TNFRSF19: variants seen among roughly 807,000 people sequenced by gnomAD.
The protein encoded by TNFRSF19 is TNF receptor superfamily member 19, also known as tumor necrosis factor receptor superfamily member 19.
TNFRSF19 carries 27 observed loss-of-function variants against 46.4 expected under a neutral mutation model. The ratio of observed to expected loss-of-function variants is 0.58; its 90% confidence interval spans 0.43 to 0.80. The LOEUF is 0.80. TNFRSF19 is among the 30% of genes least tolerant of loss of function. The pLI is 0.00. For synonymous variants in TNFRSF19, 204 were observed against 205.0 expected (o/e 1.00, Z 0.04); for missense variants, 511 against 530.8 (o/e 0.96, Z 0.37).
At chr13:23,591,218 C>T (rs550913514) in intron 2 of TNFRSF19, among the ~76,000 whole-genome samples, 14 of 152,146 alleles carry the variant, frequency 9.2e-5, no homozygotes, top group African/African-American at 2.2e-4. Context: ...TTTGGGAGGC[C>T]GAGGCAGGTG....
At chr13:23,601,098 T>A (rs1299750887) in intron 3 of TNFRSF19, among the ~76,000 whole-genome samples, 2 of 152,098 alleles carry the variant, frequency 1.3e-5, no homozygotes, top group African/African-American at 4.8e-5. Flanking sequence ...AATAATGACT[T>A]AGAATTTTCC....
intron 5 of TNFRSF19, among the ~76,000 whole-genome samples, chr13:23,639,462 A>G (rs1400298288): frequency 1.3e-5 from 2 of 152,220 alleles, no homozygotes; most frequent in Admixed American, 6.5e-5. Flanking sequence ...ACACCAATTC[A>G]TGACATAGCT....
rs533578448 is a variant in TNFRSF19, at chr13:23,626,497, A to G, written c.360-210A>G. Among the ~76,000 whole-genome samples the G allele has an allele frequency of 3.3e-5, 5 of 152,124 alleles. No homozygotes were observed. The East Asian group carries it at 9.7e-4, about 29-fold the overall frequency. The stretch of plus-strand genomic sequence containing the variant: ...CCCAATATAGAAGAAGTGCACTGAG[A>G]AGCATCTGCAAAGTTACGTTTAGGG... On this transcript the variant is annotated intron_variant, in intron 4 of 9. Coordinates refer to ENST00000248484, the MANE Select transcript of TNFRSF19 (RefSeq NM_148957.4).
At chr13:23,596,671 A>G (rs1000731617) in intron 3 of TNFRSF19, among the ~76,000 whole-genome samples, 2 of 152,308 alleles carry the variant, frequency 1.3e-5, no homozygotes, top group African/African-American at 2.4e-5. Flanking sequence ...TTAACACCCC[A>G]CTGTCAATAT....
At chr13:23,602,526 A>G (rs1593247043) in intron 3 of TNFRSF19, among the ~76,000 whole-genome samples, 2 of 152,142 alleles carry the variant, frequency 1.3e-5, no homozygotes, top group Non-Finnish European at 2.9e-5. Flanking sequence ...ACTGACACCT[A>G]TAGACAACTT....
At chr13:23,621,305 T>C (rs762925786) in intron 4 of TNFRSF19, among the ~76,000 whole-genome samples, 2 of 152,180 alleles carry the variant, frequency 1.3e-5, no homozygotes, top group Non-Finnish European at 2.9e-5. Flanking sequence ...TAATGATTAA[T>C]CTTGTCATTA....
At chr13:23,624,902 C>G (rs185009260) in intron 4 of TNFRSF19, among the ~76,000 whole-genome samples, 34 of 152,136 alleles carry the variant, frequency 2.2e-4, no homozygotes, top group African/African-American at 7.5e-4. Context: ...AGGCGCCCAC[C>G]ACCATGCCCA....
chr13:23,671,893 CTCACTA>C (rs71804407), intron 9 of TNFRSF19, among the ~76,000 whole-genome samples: 16,384 of 152,082 alleles, frequency 0.11, 1,088 homozygotes, highest in East Asian at 0.23. Flanking sequence ...ATTTCAGCAG[CTCACTA>C]TTATGAACCA....
At position 23,655,713 on chromosome 13, in the gene TNFRSF19, C is replaced by T. The variant is rs1345692324; in HGVS notation, c.446-3337C>T. ...AACAAAAACTTTATAGAGTGGAAGC[C>T]ACTTTATATAGCTAGTATAAATCTG... On this transcript the variant is annotated intron_variant, in intron 5 of 9. Transcript: ENST00000248484. Among the ~76,000 whole-genome samples the T allele has an allele frequency of 4.0e-5, 6 of 151,506 alleles. No individual in the cohort carries two copies. The East Asian group carries it at 9.8e-4, about 25-fold the overall frequency.
chr13:23,601,355 A>G (rs1228074677), intron 3 of TNFRSF19, among the ~76,000 whole-genome samples: 1 of 152,228 alleles, frequency 6.6e-6, no homozygotes, highest in Non-Finnish European at 1.5e-5. Context: ...TAAAGTATTG[A>G]GAAAATAGCA....
rs142095311 is a variant in TNFRSF19 at position 23,634,451 on chromosome 13, G to A, written c.445+7659G>A. 4.7e-3 allele frequency among the ~76,000 whole-genome samples: 710 copies of A among 152,250 alleles called. 6 individuals carry two copies. The highest frequency in any genetic ancestry group is 0.016 in the African/African-American group (678 of 41,510). On this transcript the variant is annotated intron_variant, in intron 5 of 9. Coordinates refer to ENST00000248484, the MANE Select transcript of TNFRSF19 (RefSeq NM_148957.4). Reference sequence around the variant, plus strand: ...AATCAACAGGTTGTGATTTGTTAAAGGGCATCACTAAATTAAATGTTTTTC... The same window carrying A: ...AATCAACAGGTTGTGATTTGTTAAAAGGCATCACTAAATTAAATGTTTTTC...
chr13:23,660,517 G>A, intron 7 of TNFRSF19, 27 bp downstream of exon 7: 2 of 1,606,860 alleles, frequency 1.2e-6, no homozygotes, highest in Non-Finnish European at 1.7e-6. Context: ...AGTGCCGTTA[G>A]GAGGACTGGA....
intron 5 of TNFRSF19, among the ~76,000 whole-genome samples, chr13:23,641,661 C>T (rs986011003): frequency 6.6e-6 from 1 of 152,186 alleles, no homozygotes; most frequent in Non-Finnish European, 1.5e-5. Context: ...TTTACCATTT[C>T]ATTCACAATA....
chr13:23,630,360 G>A (rs1290014977), intron 5 of TNFRSF19, among the ~76,000 whole-genome samples: 1 of 151,476 alleles, frequency 6.6e-6, no homozygotes, highest in Non-Finnish European at 1.5e-5. Context: ...GCTAGACTGG[G>A]AGGCTGAAGG....
At chr13:23,592,446 CTTG>C (rs1484910504) in intron 2 of TNFRSF19, among the ~76,000 whole-genome samples, 2 of 152,136 alleles carry the variant, frequency 1.3e-5, no homozygotes, top group Non-Finnish European at 2.9e-5. Flanking sequence ...ACAAGGAGAA[CTTG>C]TTGTTTTCAG....
At chr13:23,626,431 C>T (rs572540038) in intron 4 of TNFRSF19, among the ~76,000 whole-genome samples, 1 of 152,010 alleles carries the variant, frequency 6.6e-6, no homozygotes, top group Non-Finnish European at 1.5e-5. Context: ...ATAAAAATGC[C>T]GAAGACCACT....
In TNFRSF19 at chr13:23,668,918, G is replaced by A. The variant is rs1565956651; in HGVS notation, c.1066G>A (p.Val356Ile). 6.8e-6 allele frequency: 11 copies of A among 1,614,108 alleles called. No homozygotes were observed. Among genetic ancestry groups the A allele is most frequent in the Non-Finnish European group, 9.3e-6 (11 of 1,180,050 alleles). ...GGATTCAAATAGCAGTCAAGATTTG[G>A]TTGGTGGGGCTGTTCCAGTCCAGTC... Reference protein sequence around the residue: ...SLDSNSSQDLVGGAVPVQSHS... With the variant: ...SLDSNSSQDLIGGAVPVQSHS... The change falls in exon 9 of 10, where the codon GTT becomes ATT. Residue 356 changes from valine to isoleucine, a missense_variant. Around this residue, in one of 3 missense-constraint regions of TNFRSF19, gnomAD observed 376 missense variants for 372.7 expected, o/e 1.01. Coordinates refer to ENST00000248484, the MANE Select transcript of TNFRSF19 (RefSeq NM_148957.4).
At chr13:23,601,301 T>C (rs992641644) in intron 3 of TNFRSF19, among the ~76,000 whole-genome samples, 2 of 152,194 alleles carry the variant, frequency 1.3e-5, no homozygotes, top group African/African-American at 4.8e-5. Context: ...ATCTGACTTT[T>C]ACTCAGAAAT....
chr13:23,586,126 C>T (rs555627227), intron 1 of TNFRSF19, among the ~76,000 whole-genome samples: 2 of 151,720 alleles, frequency 1.3e-5, no homozygotes, highest in South Asian at 2.1e-4. Context: ...GGCGCAGTGG[C>T]GGGCACCTGT....
Sources: allele counts gnomAD v4.1 joint callset (sites outside exome capture counted in the v4.1 genomes callset), GRCh38; gene constraint gnomAD v4.1.1; regional missense constraint gnomAD v4.1.1; transcripts MANE v1.5; gene names NCBI Gene and HGNC (gene_info 2026-07-23, HGNC 2026-07-21).